The following NDST4 variants were observed in gnomAD, a reference collection of about 807,000 sequenced individuals.
The protein encoded by NDST4 is N-deacetylase and N-sulfotransferase 4.
In NDST4, 63 loss-of-function variants were observed where a neutral mutation model predicts 100.8. That is an observed-to-expected ratio of 0.62 (90% CI 0.51 to 0.77). The LOEUF (loss-of-function observed/expected upper bound fraction) is 0.77, where lower values mean the gene tolerates loss of function less well. NDST4 is among the 30% of genes least tolerant of loss of function. The pLI is 0.00. For missense variants in NDST4, 943 were observed against 1,018.4 expected, an observed-to-expected ratio of 0.93 and a Z score of 1.01; for synonymous variants, 377 against 361.8, an observed-to-expected ratio of 1.04 and a Z score of -0.48.
In NDST4 at chr4:114,949,953, C is replaced by G. The variant is rs573865310; in HGVS notation, c.1222-12450G>C. 4.2e-4 allele frequency among the ~76,000 whole-genome samples: 64 copies of G among 152,118 alleles called. 1 individual carries two copies. The highest frequency in any genetic ancestry group is 1.1e-3 in the African/African-American group (45 of 41,538). ...TGTAAATTCCCTGTTACTAAGCAGT[C>G]TACTTCCTATGTACAAAGTACATGT... On this transcript the variant is annotated intron_variant, in intron 4 of 13. Coordinates refer to ENST00000264363, the MANE Select transcript of NDST4 (RefSeq NM_022569.3).
At chr4:114,832,334 A>G (rs989584452) in intron 12 of NDST4, among the ~76,000 whole-genome samples, 37 of 152,186 alleles carry the variant, frequency 2.4e-4, no homozygotes, top group Admixed American at 7.9e-4. Flanking sequence ...TTCCTCTGTT[A>G]GCCTCTCTAA....
At chr4:114,905,894 T>G (rs1012190565) in intron 6 of NDST4, among the ~76,000 whole-genome samples, 50 of 152,100 alleles carry the variant, frequency 3.3e-4, no homozygotes, top group African/African-American at 1.2e-3. Context: ...CTGAATTTTT[T>G]TTGCTCAACA....
chr4:115,002,874 T>C (rs1485051450), intron 2 of NDST4, among the ~76,000 whole-genome samples: 1 of 152,162 alleles, frequency 6.6e-6, no homozygotes, highest in Non-Finnish European at 1.5e-5. Context: ...GTTGCACATA[T>C]GTACCATGGA....
At chr4:115,099,783 T>C (rs1177794251) in intron 1 of NDST4, among the ~76,000 whole-genome samples, 2 of 152,160 alleles carry the variant, frequency 1.3e-5, no homozygotes, top group Non-Finnish European at 2.9e-5. Context: ...AACATAGTCA[T>C]ATTATCCAGC....
At chr4:115,113,176 G>A (rs1441240633) in intron 1 of NDST4, among the ~76,000 whole-genome samples, 5 of 151,812 alleles carry the variant, frequency 3.3e-5, no homozygotes, top group Admixed American at 3.3e-4. Context: ...TCCGGCAACT[G>A]TTTAAATTTT....
chr4:114,956,451 C>T (rs1214435159), intron 4 of NDST4, among the ~76,000 whole-genome samples: 1 of 152,120 alleles, frequency 6.6e-6, no homozygotes, highest in African/African-American at 2.4e-5. Context: ...AGATAGAAAA[C>T]AAGTGAATCA....
At chr4:115,073,812 AATG>A (rs1376655836) in intron 2 of NDST4, among the ~76,000 whole-genome samples, 1 of 151,984 alleles carries the variant, frequency 6.6e-6, no homozygotes, top group African/African-American at 2.4e-5. Context: ...TTCACCAAAA[AATG>A]ATAAGTATCT....
At chr4:115,048,662 T>C (rs1358638033) in intron 2 of NDST4, among the ~76,000 whole-genome samples, 1 of 150,658 alleles carries the variant, frequency 6.6e-6, no homozygotes, top group Non-Finnish European at 1.5e-5. Context: ...TGAGCACTTT[T>C]TCATATACCT....
chr4:114,917,935 TA>T (rs1725208412), intron 6 of NDST4, among the ~76,000 whole-genome samples: 1 of 152,178 alleles, frequency 6.6e-6, no homozygotes, highest in Admixed American at 6.5e-5. Context: ...ATGTCATTTA[TA>T]AATAATCAGA....
chr4:114,890,563 C>G (rs1468258763), intron 6 of NDST4, among the ~76,000 whole-genome samples: 1 of 152,000 alleles, frequency 6.6e-6, no homozygotes, highest in African/African-American at 2.4e-5. Flanking sequence ...ACAGAAGTAA[C>G]AGTTGTTATT....
intron 1 of NDST4, among the ~76,000 whole-genome samples, chr4:115,101,997 G>A (rs1729739759): frequency 6.6e-6 from 1 of 152,110 alleles, no homozygotes; most frequent in African/African-American, 2.4e-5. Context: ...ACACAAATCT[G>A]TGACAAGTCA....
At chr4:115,109,948 A>G (rs1729911502) in intron 1 of NDST4, among the ~76,000 whole-genome samples, 1 of 151,968 alleles carries the variant, frequency 6.6e-6, no homozygotes, top group Non-Finnish European at 1.5e-5. Context: ...TGGAATGAAG[A>G]GTAATTTACT....
intron 6 of NDST4, among the ~76,000 whole-genome samples, chr4:114,896,908 T>G (rs1354361656): frequency 6.6e-6 from 1 of 152,184 alleles, no homozygotes; most frequent in Non-Finnish European, 1.5e-5. Context: ...TTATTATTAT[T>G]TCTTAGTAGA....
intron 1 of NDST4, among the ~76,000 whole-genome samples, chr4:115,108,975 G>GA (rs1430326556): frequency 6.6e-6 from 1 of 150,890 alleles, no homozygotes; most frequent in African/African-American, 2.4e-5. Context: ...AGGAAGAAAG[G>GA]AAAAAAGACA....
intron 2 of NDST4, among the ~76,000 whole-genome samples, chr4:115,033,307 G>A (rs1396618531): frequency 6.6e-6 from 1 of 151,072 alleles, no homozygotes; most frequent in African/African-American, 2.4e-5. Context: ...GTAGAAACAA[G>A]ATTTTGCCAT....
At chr4:114,984,906 TCTAC>T (rs1726865062) in intron 2 of NDST4, among the ~76,000 whole-genome samples, 1 of 152,212 alleles carries the variant, frequency 6.6e-6, no homozygotes, top group South Asian at 2.1e-4. Context: ...ATTTTATAGC[TCTAC>T]CTTTCTTCTT....
chr4:114,854,079 T>C (rs899432085), intron 7 of NDST4, among the ~76,000 whole-genome samples: 1 of 152,214 alleles, frequency 6.6e-6, no homozygotes, highest in Non-Finnish European at 1.5e-5. Flanking sequence ...TCTAACTATA[T>C]TTTTGCACCC....
intron 4 of NDST4, among the ~76,000 whole-genome samples, chr4:114,969,511 T>C (rs982839772): frequency 1.4e-4 from 21 of 152,192 alleles, no homozygotes; most frequent in Middle Eastern, 3.4e-3. Flanking sequence ...GTTCCCTTCT[T>C]TGTGTCCATG....
At chr4:114,847,029 T>C (rs1316607018) in intron 9 of NDST4, among the ~76,000 whole-genome samples, 5 of 152,088 alleles carry the variant, frequency 3.3e-5, no homozygotes. Context: ...GGAACCTTGA[T>C]CTGCTCGCCG....
Sources: gnomAD v4.1 joint callset for allele counts (sites outside exome capture counted in the v4.1 genomes callset) on GRCh38, gnomAD v4.1.1 for gene constraint, MANE v1.5 for transcripts, NCBI Gene and HGNC (gene_info 2026-07-23, HGNC 2026-07-21) for gene names.